SREK1: variants seen among roughly 807,000 people sequenced by gnomAD.
The protein encoded by SREK1 is splicing regulatory glutamic acid and lysine rich protein 1, also known as splicing regulatory glutamine/lysine-rich protein 1.
SREK1 carries 13 observed loss-of-function variants against 66.5 expected under a neutral mutation model. That is an observed-to-expected ratio of 0.20 (90% CI 0.13 to 0.31). The LOEUF (loss-of-function observed/expected upper bound fraction) is 0.31, where lower values mean the gene tolerates loss of function less well. Among genes scored for constraint, SREK1 ranks in the 10% least tolerant of loss-of-function variants. The pLI is 1.00. For missense variants in SREK1, 607 were observed against 769.6 expected (o/e 0.79, Z 2.50); for synonymous variants, 265 against 263.5 (o/e 1.01, Z -0.05).
intron 1 of SREK1, among the ~76,000 whole-genome samples, chr5:66,151,716 A>C (rs1313604905): frequency 6.6e-6 from 1 of 152,012 alleles, no homozygotes; most frequent in East Asian, 1.9e-4. Flanking sequence ...GTGTCAGTAC[A>C]CAAGTTGCTT....
intron 7 of SREK1, chr5:66,167,095 G>C (rs1476097509): frequency 1.3e-5 from 2 of 151,978 alleles, no homozygotes; most frequent in Admixed American, 1.3e-4. Flanking sequence ...TAACTTAAAG[G>C]CCCACCTTCT....
chr5:66,147,424 T>C (rs911633882), intron 1 of SREK1, among the ~76,000 whole-genome samples: 4 of 152,190 alleles, frequency 2.6e-5, no homozygotes, highest in Admixed American at 1.3e-4. Context: ...TAAGCGCAGG[T>C]TGATGAATCT....
intron 2 of SREK1, among the ~76,000 whole-genome samples, chr5:66,155,052 G>C (rs2089114879): frequency 7.2e-6 from 1 of 138,952 alleles, no homozygotes; most frequent in South Asian, 2.2e-4. Flanking sequence ...TTGGAAGGAA[G>C]AATTTTATCA....
chr5:66,145,081 G>C, intron 1 of SREK1: 1 of 985,732 alleles, frequency 1.0e-6, no homozygotes, highest in Non-Finnish European at 1.2e-6. Context: ...TTATCTAACC[G>C]AGCGCATCCA....
intron 1 of SREK1, among the ~76,000 whole-genome samples, chr5:66,146,053 C>T (rs778351494): frequency 4.0e-5 from 6 of 151,880 alleles, no homozygotes; most frequent in Non-Finnish European, 8.8e-5. Flanking sequence ...GACGAGAATA[C>T]TGCATAAGTG....
At position 66,182,612 on chromosome 5, in the gene SREK1, T is replaced by A. The variant is rs1746584710; in HGVS notation, c.*3744T>A. The A allele has an allele frequency of 6.6e-6, 1 of 152,190 alleles. No individual in the cohort carries two copies. The highest frequency in any genetic ancestry group is 6.5e-5 in the Admixed American group (1 of 15,268). 9.4% of individuals were successfully genotyped at this position (152,190 alleles called of 1,614,324 possible). On this transcript the variant is annotated 3_prime_UTR_variant, in exon 12 of 12. Transcript: ENST00000334121. ...CAGGGTCTCACTCTGTCACTCAGGC[T>A]GGAGTGCAGTGACACGATCATGGCT... is the stretch of plus-strand genomic sequence containing the variant.
intron 2 of SREK1, chr5:66,158,586 A>C (rs1744481149): frequency 4.5e-6 from 1 of 224,576 alleles, no homozygotes; most frequent in African/African-American, 2.4e-5. Context: ...TTTGTTTTCT[A>C]TTTGAAATTA....
At position 66,170,645 on chromosome 5, in the gene SREK1, C is replaced by CAGGGAAAAGGAGAGAGAG; in HGVS notation, c.1194_1211dup (p.Arg401_Glu406dup). 6.2e-7 allele frequency: 1 copy of CAGGGAAAAGGAGAGAGAG among 1,609,506 alleles called. No homozygotes were observed. On this transcript the variant is annotated inframe_insertion, in exon 9 of 12. Transcript: ENST00000334121. ...AAAAGGAAAGAGTGAAAGAGAAAGA[C>CAGGGAAAAGGAGAGAGAG]AGGGAAAAGGAGAGAGAGAGGGAAA... is the stretch of plus-strand genomic sequence containing the variant.
chr5:66,157,178 T>G (rs543255814), intron 2 of SREK1: 2 of 957,974 alleles, frequency 2.1e-6, no homozygotes, highest in South Asian at 9.7e-5. Flanking sequence ...ACATTTATAG[T>G]AGTATACTAT....
rs1447314029 is a variant in SREK1, at chr5:66,181,911, G to GA, written c.*3043_*3044insA. On this transcript the variant is annotated 3_prime_UTR_variant, in exon 12 of 12. Coordinates refer to ENST00000334121, the MANE Select transcript of SREK1 (RefSeq NM_001077199.3). ...AAAGGTTTTTTTGTCGGGGGGGGGG[G>GA]GGTCAAGAGAATTTATTTTGTGATA... 70 of 122,934 alleles carry GA rather than the reference G, an allele frequency of 5.7e-4. 1 individual carries two copies. Among genetic ancestry groups the GA allele is most frequent in the African/African-American group, 1.9e-3 (64 of 34,496 alleles). 7.6% of individuals were successfully genotyped at this position (122,934 alleles called of 1,614,324 possible).
At chr5:66,160,424 G>A (rs980642409) in intron 3 of SREK1, among the ~76,000 whole-genome samples, 3 of 152,170 alleles carry the variant, frequency 2.0e-5, no homozygotes, top group Non-Finnish European at 4.4e-5. Flanking sequence ...CTGAAGACCT[G>A]CATTCTGATT....
At position 66,181,573 on chromosome 5, in the gene SREK1, T is replaced by C. The variant is rs1746490453; in HGVS notation, c.*2705T>C. 6.6e-6 allele frequency: 1 copy of C among 152,214 alleles called. No homozygotes were observed. The highest frequency in any genetic ancestry group is 1.5e-5 in the Non-Finnish European group (1 of 68,030). 9.4% of individuals were successfully genotyped at this position (152,214 alleles called of 1,614,324 possible). ...TCTCTTCCTTAAGTTGTAGTTGCTA[T>C]TTATCATTGTAGACAAATTCTGTTG... is the stretch of plus-strand genomic sequence containing the variant. On this transcript the variant is annotated 3_prime_UTR_variant, in exon 12 of 12. Transcript: ENST00000334121.
chr5:66,162,011 T>C (rs1399420489), intron 3 of SREK1, 98 bp from the exon 4 acceptor site: 2 of 1,415,434 alleles, frequency 1.4e-6, no homozygotes, highest in Non-Finnish European at 1.9e-6. Context: ...CCTTTCATTC[T>C]TGTTGAGTTA....
Position 66,159,203 on chromosome 5 carries a change from G to T in SREK1, c.296-16G>T. The T allele has an allele frequency of 6.2e-7, 1 of 1,604,444 alleles. No homozygotes were observed. The highest frequency in any genetic ancestry group is 8.5e-7 in the Non-Finnish European group (1 of 1,176,742). ...GTGTTTCTGCTTTTTGTAATGTTTG[G>T]AACTTGCCTCTGCAGGTAAAATCCC... On this transcript the variant is annotated splice_polypyrimidine_tract_variant and intron_variant, in intron 2 of 11. Transcript: ENST00000334121.
At chr5:66,159,166 A>G (rs745764080) in intron 2 of SREK1, 53 bp from the exon 3 acceptor site, 83 of 1,568,094 alleles carry the variant, frequency 5.3e-5, no homozygotes, top group Non-Finnish European at 7.0e-5. Context: ...ATCATAGTGT[A>G]AAGTTTGTGT....
Position 66,170,036 on chromosome 5 carries a change from A to AT in SREK1, c.1002-7dup. ...TAAATTAAGTTTTGATATTCTAACA[A>AT]TTTTTTTTCTTTAGGAGTAGATCCC... On this transcript the variant is annotated splice_polypyrimidine_tract_variant and intron_variant, in intron 7 of 11. Transcript: ENST00000334121. 50 of 1,511,952 alleles carry AT rather than the reference A, an allele frequency of 3.3e-5. No individual in the cohort carries two copies. The highest frequency in any genetic ancestry group is 1.5e-4 in the South Asian group (11 of 73,772). The allele number at this position is 1,511,952 out of a possible 1,614,324, so 93.7% of individuals were successfully genotyped here. A position where few individuals can be genotyped will look rare whatever the true frequency, so the allele number is the denominator to read the frequency against.
At chr5:66,157,302 T>A in intron 2 of SREK1, 1 of 984,654 alleles carries the variant, frequency 1.0e-6, no homozygotes, top group Non-Finnish European at 1.2e-6. Context: ...TGGCCAGTGT[T>A]GAATACCCTT....
At position 66,144,648 on chromosome 5, in the gene SREK1, C is replaced by G. The variant is rs930466381; in HGVS notation, c.161+111C>G. 4.2e-6 allele frequency: 6 copies of G among 1,427,344 alleles called. No homozygotes were observed. In the African/African-American group the frequency reaches 4.4e-5, roughly 10 times the overall value. 88.4% of individuals were successfully genotyped at this position (1,427,344 alleles called of 1,614,324 possible). On this transcript the variant is annotated intron_variant, in intron 1 of 11. Transcript: ENST00000334121. The stretch of plus-strand genomic sequence containing the variant: ...GCGCGCGGTGCATGTCACGTGATCG[C>G]GCCGGCTTACCTTGGTGCCCATATT...
intron 1 of SREK1, among the ~76,000 whole-genome samples, chr5:66,153,053 A>G (rs759671439): frequency 3.0e-4 from 45 of 152,334 alleles, no homozygotes; most frequent in Non-Finnish European, 5.6e-4. Context: ...AGTGATGTAA[A>G]TGCTTGGGAA....
Sources: allele counts gnomAD v4.1 joint callset (sites outside exome capture counted in the v4.1 genomes callset), GRCh38; gene constraint gnomAD v4.1.1; transcripts MANE v1.5; gene names NCBI Gene and HGNC (gene_info 2026-07-23, HGNC 2026-07-21).